The following RBFOX1 variants were observed in gnomAD, a reference collection of about 807,000 sequenced individuals.
RBFOX1 encodes RNA binding fox-1 homolog 1.
RBFOX1 carries 8 observed loss-of-function variants against 57.7 expected under a neutral mutation model. The observed-to-expected ratio is 0.14, with a 90% CI of 0.08 to 0.25. The LOEUF (loss-of-function observed/expected upper bound fraction) is 0.25. Ranked by LOEUF, RBFOX1 falls within the 10% of genes least tolerant of loss-of-function variation. The pLI is 1.00. For synonymous variants in RBFOX1, 326 were observed against 222.4 expected, an observed-to-expected ratio of 1.47 and a Z score of -4.15; for missense variants, 611 against 548.5, an observed-to-expected ratio of 1.11 and a Z score of -1.14.
chr16:5,655,614 A>G (rs1355249132), intron 3 of RBFOX1, among the ~76,000 whole-genome samples: 1 of 152,216 alleles, frequency 6.6e-6, no homozygotes, highest in Admixed American at 6.5e-5. Context: ...GTTGTCCTTG[A>G]TACAGCAGAG....
intron 6 of RBFOX1, among the ~76,000 whole-genome samples, chr16:7,586,341 C>T (rs559226988): frequency 3.9e-5 from 6 of 152,122 alleles, no homozygotes; most frequent in African/African-American, 9.7e-5. Flanking sequence ...TCAGATGATC[C>T]GATGCCCCTA....
chr16:6,008,283 A>G (rs2094939245), intron 4 of RBFOX1, among the ~76,000 whole-genome samples: 1 of 148,622 alleles, frequency 6.7e-6, no homozygotes, highest in Non-Finnish European at 1.5e-5. Context: ...GTTCAGAAGC[A>G]GGAAGGTGGC....
intron 1 of RBFOX1, among the ~76,000 whole-genome samples, chr16:5,251,084 G>T (rs562382177): frequency 2.0e-5 from 3 of 152,040 alleles, no homozygotes; most frequent in Admixed American, 6.6e-5. Flanking sequence ...GGGTGGGGGG[G>T]TCCCAGCCCC....
At chr16:7,049,035 A>C (rs2049024288) in intron 3 of RBFOX1, among the ~76,000 whole-genome samples, 1 of 152,170 alleles carries the variant, frequency 6.6e-6, no homozygotes, top group Admixed American at 6.6e-5. Context: ...TTATGGAAAC[A>C]TTTTAGGGTC....
At chr16:6,084,401 G>T (rs72772869) in intron 1 of RBFOX1, among the ~76,000 whole-genome samples, 6,984 of 151,982 alleles carry the variant, frequency 0.046, 221 homozygotes, top group Non-Finnish European at 0.066. Flanking sequence ...GAACAAACAC[G>T]TCCAGCTATG....
chr16:6,926,078 G>T (rs567822218), intron 3 of RBFOX1, among the ~76,000 whole-genome samples: 49 of 152,164 alleles, frequency 3.2e-4, no homozygotes, highest in African/African-American at 1.1e-3. Flanking sequence ...GGCCGAGGTG[G>T]GTTGATCACT....
At chr16:7,321,052 T>C (rs955196378) in intron 4 of RBFOX1, among the ~76,000 whole-genome samples, 2 of 126,596 alleles carry the variant, frequency 1.6e-5, no homozygotes, top group Admixed American at 1.5e-4. Flanking sequence ...CCAGAGAAAT[T>C]ATCTATCTAT....
At chr16:6,655,936 T>A (rs1780419339) in intron 3 of RBFOX1, among the ~76,000 whole-genome samples, 1 of 152,198 alleles carries the variant, frequency 6.6e-6, no homozygotes, top group Non-Finnish European at 1.5e-5. Flanking sequence ...TGCCACACAT[T>A]ATTTTAGGGA....
intron 4 of RBFOX1, among the ~76,000 whole-genome samples, chr16:7,515,667 G>C (rs985761675): frequency 1.3e-5 from 2 of 152,180 alleles, no homozygotes; most frequent in East Asian, 1.9e-4. Context: ...TTACTGACTT[G>C]TGTAACTACA....
chr16:5,656,366 G>C (rs1249706322), intron 3 of RBFOX1, among the ~76,000 whole-genome samples: 2 of 152,136 alleles, frequency 1.3e-5, no homozygotes, highest in African/African-American at 4.8e-5. Flanking sequence ...ATCTTTATTA[G>C]TATGTCTTGC....
intron 3 of RBFOX1, among the ~76,000 whole-genome samples, chr16:6,852,568 C>A (rs575897675): frequency 1.3e-5 from 2 of 152,286 alleles, no homozygotes; most frequent in Admixed American, 6.5e-5. Flanking sequence ...AACTAGCTGT[C>A]CAGGAAAGGT....
At chr16:6,627,033 C>T (rs925987169) in intron 2 of RBFOX1, among the ~76,000 whole-genome samples, 3 of 152,190 alleles carry the variant, frequency 2.0e-5, no homozygotes, top group African/African-American at 7.2e-5. Flanking sequence ...GAAGGCTACC[C>T]ATCTGCCTTC....
intron 1 of RBFOX1, among the ~76,000 whole-genome samples, chr16:6,286,876 T>C (rs2152711112): frequency 6.6e-6 from 1 of 152,330 alleles, no homozygotes; most frequent in African/African-American, 2.4e-5. Context: ...ATGCAACATC[T>C]GTAAGAACAA....
At chr16:6,001,168 T>C (rs17719062) in intron 4 of RBFOX1, among the ~76,000 whole-genome samples, 31 of 152,334 alleles carry the variant, frequency 2.0e-4, no homozygotes, top group Non-Finnish European at 4.0e-4. Flanking sequence ...GCAACAATAT[T>C]TGACCAACTG....
At chr16:7,400,133 G>T (rs1394364242) in intron 4 of RBFOX1, among the ~76,000 whole-genome samples, 4 of 152,090 alleles carry the variant, frequency 2.6e-5, no homozygotes, top group South Asian at 2.1e-4. Flanking sequence ...TCCTAATCCG[G>T]AATTTTCTGA....
chr16:7,482,815 C>G (rs566214368), intron 4 of RBFOX1, among the ~76,000 whole-genome samples: 3 of 152,048 alleles, frequency 2.0e-5, no homozygotes, highest in African/African-American at 7.2e-5. Context: ...CCCACAAGCT[C>G]GGGATGTTCT....
chr16:7,175,659 C>T (rs1324816247), intron 4 of RBFOX1, among the ~76,000 whole-genome samples: 1 of 152,226 alleles, frequency 6.6e-6, no homozygotes, highest in Non-Finnish European at 1.5e-5. Context: ...CTCCAGTGTG[C>T]AGCTTGAAAG....
intron 1 of RBFOX1, among the ~76,000 whole-genome samples, chr16:6,200,292 C>A (rs181002584): frequency 1.3e-5 from 2 of 152,268 alleles, no homozygotes; most frequent in African/African-American, 4.8e-5. Flanking sequence ...GCATCCCTTT[C>A]CTCAAGCCTT....
At chr16:6,958,637 G>C (rs1460454637) in intron 3 of RBFOX1, among the ~76,000 whole-genome samples, 4 of 152,148 alleles carry the variant, frequency 2.6e-5, no homozygotes, top group African/African-American at 7.2e-5. Flanking sequence ...GATGCTATTG[G>C]CTATGCATAA....
Sources: gnomAD v4.1 joint callset for allele counts (sites outside exome capture counted in the v4.1 genomes callset) on GRCh38, gnomAD v4.1.1 for gene constraint, MANE v1.5 for transcripts, NCBI Gene and HGNC (gene_info 2026-07-23, HGNC 2026-07-21) for gene names.